CLEC12A: variants seen among roughly 807,000 people sequenced by gnomAD.
The protein encoded by CLEC12A is C-type lectin protein CLL-1.
A neutral mutation model predicts 26.5 loss-of-function variants in CLEC12A; 22 were observed. The observed-to-expected ratio is 0.83, with a 90% CI of 0.59 to 1.19. CLEC12A has a LOEUF of 1.19. CLEC12A is among the 50% of genes most tolerant of loss of function. The pLI is 0.00. For synonymous variants in CLEC12A, 119 were observed against 101.9 expected (o/e 1.17, Z -1.01); for missense variants, 353 against 315.6 (o/e 1.12, Z -0.90).
intron 1 of CLEC12A, among the ~76,000 whole-genome samples, chr12:9,977,479 C>A (rs1257674721): frequency 1.3e-5 from 2 of 152,196 alleles, no homozygotes; most frequent in Non-Finnish European, 2.9e-5. Flanking sequence ...ACATTGGCCA[C>A]AATTCTTCTG....
chr12:9,985,441 C>CCATG lies in CLEC12A; in HGVS notation c.*416_*419dup, dbSNP rs1463195470. ...CCCATCTCGGGTCCATCCTATACTT[C>CCATG]CATGGGACTCCCTATGGCTGAAGGC... On this transcript the variant is annotated 3_prime_UTR_variant, in exon 6 of 6. Coordinates refer to ENST00000304361, the MANE Select transcript of CLEC12A (RefSeq NM_138337.6). 1 of 399,914 alleles carries CCATG rather than the reference C, an allele frequency of 2.5e-6. No homozygotes were observed. The highest frequency in any genetic ancestry group is 4.4e-5 in the Admixed American group (1 of 22,822). 24.8% of individuals were successfully genotyped at this position (399,914 alleles called of 1,614,324 possible). A position where few individuals can be genotyped will look rare whatever the true frequency, so the allele number is the denominator to read the frequency against.
At position 9,951,530 on chromosome 12, in the gene CLEC12A, T is replaced by C. The variant is rs1011198447; in HGVS notation, c.10+174T>C. On this transcript the variant is annotated intron_variant, in intron 1 of 6. Coordinates refer to the CLEC12A transcript ENST00000355690. ...GTTAGTAATTGAGTATGTGTCTGGA[T>C]AAGTGAGTGTCATTTGTGGGTCCAG... The C allele has an allele frequency of 8.2e-6, 5 of 607,948 alleles. 1 individual carries two copies. In the South Asian group the frequency reaches 9.5e-5, roughly 11 times the overall value. The allele number at this position is 607,948 out of a possible 1,614,324, so 37.7% of individuals were successfully genotyped here.
intron 5 of CLEC12A, among the ~76,000 whole-genome samples, chr12:9,983,130 C>CT (rs906758321): frequency 1.3e-5 from 2 of 151,826 alleles, no homozygotes; most frequent in East Asian, 1.9e-4. Context: ...GTGTAGGTGT[C>CT]TTTTTTTTAA....
intron 1 of CLEC12A, among the ~76,000 whole-genome samples, chr12:9,972,006 G>C (rs138302751): frequency 6.1e-4 from 93 of 151,484 alleles, no homozygotes; most frequent in African/African-American, 2.0e-3. Flanking sequence ...TGAAGCCATG[G>C]AAAAAGAAAC....
At chr12:9,956,367 A>G (rs35906004) in intron 1 of CLEC12A, among the ~76,000 whole-genome samples, 1 of 152,232 alleles carries the variant, frequency 6.6e-6, no homozygotes, top group African/African-American at 2.4e-5. Context: ...AATTTGCTGG[A>G]ATTCTTATTC....
At chr12:9,979,306 A>T in intron 2 of CLEC12A, 30 bp from the exon 3 acceptor site, 1 of 1,487,972 alleles carries the variant, frequency 6.7e-7, no homozygotes, top group Non-Finnish European at 9.2e-7. Flanking sequence ...TTGAGAATTT[A>T]CAATTTTTTG....
At chr12:9,995,070 G>C in exon 5 of CLEC12A, 1 of 1,599,728 alleles carries the variant, frequency 6.3e-7, no homozygotes, top group Non-Finnish European at 8.5e-7. Context: ...GACTTGGACT[G>C]AGAGAAGAGG....
downstream of CLEC12A, among the ~76,000 whole-genome samples, chr12:9,999,997 G>A (rs1328864786): frequency 1.3e-5 from 2 of 152,200 alleles, no homozygotes; most frequent in African/African-American, 4.8e-5. Flanking sequence ...TGCACTGAAA[G>A]TAGTTGTAAG....
At chr12:9,995,056 T>C (rs1487572055) in exon 5 of CLEC12A, 2 of 1,593,248 alleles carry the variant, frequency 1.3e-6, no homozygotes, top group Admixed American at 1.7e-5. Context: ...TAACCCATAG[T>C]AGTGACTTGG....
chr12:9,996,351 C>T (rs987404240), downstream of CLEC12A, among the ~76,000 whole-genome samples: 1 of 152,184 alleles, frequency 6.6e-6, no homozygotes, highest in Non-Finnish European at 1.5e-5. Context: ...TTCAACCTGG[C>T]ATCTGCCTAG....
upstream of CLEC12A, among the ~76,000 whole-genome samples, chr12:9,969,640 T>C (rs1006858205): frequency 5.3e-5 from 8 of 152,204 alleles, no homozygotes; most frequent in Non-Finnish European, 1.2e-4. Flanking sequence ...GAAACAACGT[T>C]CCACATGAGA....
the CLEC12A span, among the ~76,000 whole-genome samples, chr12:10,002,065 T>G: frequency 1.3e-5 from 2 of 151,888 alleles, no homozygotes; most frequent in Non-Finnish European, 2.9e-5. Context: ...GTATTTTTAG[T>G]AGAGACGCGG....
downstream of CLEC12A, chr12:9,997,029 A>AT: frequency 6.2e-7 from 1 of 1,612,090 alleles, no homozygotes; most frequent in Non-Finnish European, 8.5e-7. Context: ...GGAATGGTGT[A>AT]TTTTTTCTAA....
chr12:9,955,842 T>A (rs1477321171), intron 1 of CLEC12A, among the ~76,000 whole-genome samples: 1 of 152,208 alleles, frequency 6.6e-6, no homozygotes, highest in Admixed American at 6.5e-5. Context: ...AAATCAAACC[T>A]GATAAATGAT....
chr12:10,000,427 A>C (rs10505743), downstream of CLEC12A, among the ~76,000 whole-genome samples: 10,367 of 152,312 alleles, frequency 0.068, 434 homozygotes, highest in Middle Eastern at 0.092. Flanking sequence ...AACACGTATA[A>C]AAGACATTCC....
At chr12:9,954,208 A>T (rs1863702982) in intron 1 of CLEC12A, among the ~76,000 whole-genome samples, 1 of 129,836 alleles carries the variant, frequency 7.7e-6, no homozygotes, top group Non-Finnish European at 1.6e-5. Context: ...TTATCAATAA[A>T]AAAAAAAAAA....
intron 4 of CLEC12A, among the ~76,000 whole-genome samples, chr12:9,980,985 C>T (rs578193197): frequency 9.7e-4 from 147 of 152,288 alleles, no homozygotes; most frequent in Non-Finnish European, 1.6e-3. Context: ...GGTCTGTAAG[C>T]ATTTCCAAAT....
intron 1 of CLEC12A, among the ~76,000 whole-genome samples, chr12:9,965,590 G>T (rs915861755): frequency 1.4e-4 from 22 of 152,100 alleles, no homozygotes; most frequent in Non-Finnish European, 3.1e-4. Context: ...TGTGGAGGGA[G>T]ATATTGAGGA....
intron 1 of CLEC12A, among the ~76,000 whole-genome samples, chr12:9,976,945 G>A (rs190791806): frequency 2.8e-4 from 42 of 152,214 alleles, no homozygotes; most frequent in African/African-American, 7.5e-4. Flanking sequence ...CATATGAGGT[G>A]TGCCTTTCAC....
Sources: allele counts gnomAD v4.1 joint callset (sites outside exome capture counted in the v4.1 genomes callset), GRCh38; gene constraint gnomAD v4.1.1; transcripts MANE v1.5; gene names NCBI Gene and HGNC (gene_info 2026-07-23, HGNC 2026-07-21).